The following DKK2 variants were observed in gnomAD, a reference collection of about 807,000 sequenced individuals.
The protein encoded by DKK2 is dickkopf-related protein 2.
DKK2 carries 11 observed loss-of-function variants against 28.1 expected under a neutral mutation model. The ratio of observed to expected loss-of-function variants is 0.39; its 90% CI spans 0.25 to 0.65. The LOEUF is 0.65. Among genes scored for constraint, DKK2 ranks in the 30% least tolerant of loss-of-function variants. DKK2 has a pLI of 0.47. For synonymous variants in DKK2, 135 were observed against 126.5 expected, an observed-to-expected ratio of 1.07 and a Z score of -0.45; for missense variants, 326 against 335.5, an observed-to-expected ratio of 0.97 and a Z score of 0.22.
chr4:106,998,919 C>A (rs1035176800), intron 1 of DKK2, among the ~76,000 whole-genome samples: 4 of 151,970 alleles, frequency 2.6e-5, no homozygotes, highest in African/African-American at 9.7e-5. Context: ...GAATACTATG[C>A]GATAATTTGT....
chr4:106,940,211 C>T (rs889130397), intron 1 of DKK2, among the ~76,000 whole-genome samples: 1 of 152,192 alleles, frequency 6.6e-6, no homozygotes, highest in Non-Finnish European at 1.5e-5. Context: ...ACCTACTCAT[C>T]TGACAAAGGG....
intron 1 of DKK2, among the ~76,000 whole-genome samples, chr4:107,028,576 A>G (rs1560595343): frequency 6.6e-6 from 1 of 152,160 alleles, no homozygotes; most frequent in Non-Finnish European, 1.5e-5. Flanking sequence ...AAAAGAAAAG[A>G]CTAGAGAGAT....
chr4:106,976,884 T>G (rs1560584272), intron 1 of DKK2, among the ~76,000 whole-genome samples: 1 of 152,208 alleles, frequency 6.6e-6, no homozygotes, highest in Non-Finnish European at 1.5e-5. Context: ...TACTGTTTTT[T>G]CTATTCCATA....
At chr4:106,995,844 C>T (rs182791721) in intron 1 of DKK2, among the ~76,000 whole-genome samples, 3 of 152,286 alleles carry the variant, frequency 2.0e-5, no homozygotes, top group Admixed American at 6.5e-5. Context: ...ATCTCCTGAC[C>T]TCGTGATCCA....
intron 1 of DKK2, among the ~76,000 whole-genome samples, chr4:107,018,650 T>C (rs1723645956): frequency 6.6e-6 from 1 of 152,076 alleles, no homozygotes; most frequent in African/African-American, 2.4e-5. Context: ...TATGGGTTGC[T>C]GGGTTTGTGA....
At chr4:107,011,583 T>C (rs562006476) in intron 1 of DKK2, among the ~76,000 whole-genome samples, 15 of 151,658 alleles carry the variant, frequency 9.9e-5, no homozygotes, top group Non-Finnish European at 1.6e-4. Context: ...GCATTCATCA[T>C]ACAAAATAAC....
chr4:107,030,861 T>A (rs182231548), intron 1 of DKK2, among the ~76,000 whole-genome samples: 5 of 152,146 alleles, frequency 3.3e-5, no homozygotes, highest in Admixed American at 1.3e-4. Flanking sequence ...GACATTGCCT[T>A]ACCTAATCTT....
chr4:107,008,546 G>A (rs1236047629), intron 1 of DKK2, among the ~76,000 whole-genome samples: 1 of 151,936 alleles, frequency 6.6e-6, no homozygotes, highest in Non-Finnish European at 1.5e-5. Context: ...CCCCGTGTTA[G>A]GCAAAAATAA....
intron 1 of DKK2, among the ~76,000 whole-genome samples, chr4:106,933,986 G>GTA (rs1187038166): frequency 4.7e-5 from 7 of 149,002 alleles, no homozygotes; most frequent in Non-Finnish European, 1.0e-4. Context: ...GTGTGTGTGT[G>GTA]TATGTGTATA....
intron 1 of DKK2, among the ~76,000 whole-genome samples, chr4:106,957,915 TTAA>T (rs1722621277): frequency 6.9e-6 from 1 of 144,266 alleles, no homozygotes; most frequent in African/African-American, 2.6e-5. Context: ...ATAATTAAAA[TTAA>T]TTAATTAATT....
chr4:107,004,105 G>A (rs750490039), intron 1 of DKK2, among the ~76,000 whole-genome samples: 1 of 152,066 alleles, frequency 6.6e-6, no homozygotes, highest in Non-Finnish European at 1.5e-5. Flanking sequence ...TGCAATAAAG[G>A]GAACAATTTA....
intron 1 of DKK2, among the ~76,000 whole-genome samples, chr4:106,946,405 A>C (rs1578352558): frequency 2.0e-5 from 3 of 152,142 alleles, no homozygotes; most frequent in African/African-American, 4.8e-5. Context: ...GAAAGTGTAG[A>C]TGAAACAAGA....
chr4:106,991,728 C>G (rs139625944), intron 1 of DKK2, among the ~76,000 whole-genome samples: 1 of 152,062 alleles, frequency 6.6e-6, no homozygotes, highest in Non-Finnish European at 1.5e-5. Context: ...TGCACACACA[C>G]AAAAAACAGG....
At chr4:107,029,796 A>G (rs1254784201) in intron 1 of DKK2, among the ~76,000 whole-genome samples, 2 of 152,094 alleles carry the variant, frequency 1.3e-5, no homozygotes, top group African/African-American at 4.8e-5. Flanking sequence ...TTAAAATTGT[A>G]GATTTGTTCT....
chr4:107,005,542 G>T (rs1032040350), intron 1 of DKK2, among the ~76,000 whole-genome samples: 2 of 151,904 alleles, frequency 1.3e-5, no homozygotes, highest in Admixed American at 6.6e-5. Flanking sequence ...AATAAATGTG[G>T]ATATTCTGAT....
At chr4:106,957,449 C>G (rs1722611951) in intron 1 of DKK2, among the ~76,000 whole-genome samples, 1 of 151,918 alleles carries the variant, frequency 6.6e-6, no homozygotes, top group Non-Finnish European at 1.5e-5. Flanking sequence ...AAGACACAGG[C>G]ACACGTATGT....
At chr4:106,966,875 C>T (rs1722790890) in intron 1 of DKK2, among the ~76,000 whole-genome samples, 1 of 152,116 alleles carries the variant, frequency 6.6e-6, no homozygotes, top group African/African-American at 2.4e-5. Flanking sequence ...AATCACCTCC[C>T]CCCTGGTTCT....
chr4:106,954,715 G>T (rs1004552668), intron 1 of DKK2, among the ~76,000 whole-genome samples: 1 of 152,018 alleles, frequency 6.6e-6, no homozygotes, highest in Non-Finnish European at 1.5e-5. Context: ...TAGAGATGGG[G>T]TTTCACCATG....
intron 1 of DKK2, among the ~76,000 whole-genome samples, chr4:106,950,742 C>T (rs972389469): frequency 6.6e-6 from 1 of 152,136 alleles, no homozygotes; most frequent in Non-Finnish European, 1.5e-5. Flanking sequence ...ACCTCACTAC[C>T]TGAATTATTA....
Sources: gnomAD v4.1 joint callset for allele counts (sites outside exome capture counted in the v4.1 genomes callset) on GRCh38, gnomAD v4.1.1 for gene constraint, MANE v1.5 for transcripts, NCBI Gene and HGNC (gene_info 2026-07-23, HGNC 2026-07-21) for gene names.